The following GHR variants were observed in gnomAD, a reference collection of about 807,000 sequenced individuals.
GHR encodes the protein GH receptor.
GHR carries 35 observed loss-of-function variants against 67.1 expected under a neutral mutation model. That is an observed-to-expected ratio of 0.52 (90% CI 0.40 to 0.69). The LOEUF (loss-of-function observed/expected upper bound fraction) is 0.69. GHR is among the 30% of genes least tolerant of loss of function. The pLI, the probability that GHR is intolerant of heterozygous loss-of-function variation, is 0.00. For missense variants in GHR, 792 were observed against 764.6 expected, an observed-to-expected ratio of 1.04 and a Z score of -0.42; for synonymous variants, 272 against 269.1, an observed-to-expected ratio of 1.01 and a Z score of -0.10.
intron 2 of GHR, among the ~76,000 whole-genome samples, chr5:42,607,672 A>G (rs1752692140): frequency 3.3e-5 from 5 of 152,188 alleles, no homozygotes; most frequent in Admixed American, 2.0e-4. Flanking sequence ...GGAAGGCTGC[A>G]TGGAAGAGAA....
chr5:42,530,340 A>G (rs974077128), intron 1 of GHR, among the ~76,000 whole-genome samples: 1 of 152,198 alleles, frequency 6.6e-6, no homozygotes, highest in Non-Finnish European at 1.5e-5. Flanking sequence ...AAGTCTTATG[A>G]TGAATACTCA....
At chr5:42,651,187 A>G (rs1755002521) in intron 3 of GHR, among the ~76,000 whole-genome samples, 1 of 152,136 alleles carries the variant, frequency 6.6e-6, no homozygotes, top group African/African-American at 2.4e-5. Context: ...TGTTCCTCTA[A>G]GGTGTACTTG....
intron 2 of GHR, among the ~76,000 whole-genome samples, chr5:42,614,186 A>G (rs1753024824): frequency 6.6e-6 from 1 of 152,048 alleles, no homozygotes; most frequent in South Asian, 2.1e-4. Flanking sequence ...TTCCCATTGG[A>G]AGTCTATTTA....
intron 1 of GHR, among the ~76,000 whole-genome samples, chr5:42,481,222 C>G (rs1745618973): frequency 6.6e-6 from 1 of 152,174 alleles, no homozygotes; most frequent in South Asian, 2.1e-4. Flanking sequence ...GGCCCCCACT[C>G]TCTTCTGGCT....
rs1252046283 is a variant in GHR at position 42,615,734 on chromosome 5, C to CA, written c.71-13298dup. Among the ~76,000 whole-genome samples, 10 of 105,378 alleles carry CA rather than the reference C, an allele frequency of 9.5e-5. No individual in the cohort carries two copies. The East Asian group carries it at 1.8e-3, about 19-fold the overall frequency. 69.1% of individuals were successfully genotyped at this position (105,378 alleles called of 152,430 possible). Reference sequence around the variant, plus strand: ...ATAGCAGTAGAAATTTGGAAAAAAACAAAAAACAAAAAAAAAAAAACATAG... The same window carrying CA: ...ATAGCAGTAGAAATTTGGAAAAAAACAAAAAAACAAAAAAAAAAAAACATAG... On this transcript the variant is annotated intron_variant, in intron 2 of 9. Coordinates refer to ENST00000230882, the MANE Select transcript of GHR (RefSeq NM_000163.5).
intron 1 of GHR, among the ~76,000 whole-genome samples, chr5:42,489,269 T>C (rs930127002): frequency 6.6e-6 from 1 of 152,352 alleles, no homozygotes; most frequent in East Asian, 1.9e-4. Context: ...ATATTTCTTT[T>C]TTAAAAGTAA....
chr5:42,699,867 C>A lies in GHR; in HGVS notation c.483C>A (p.Asn161Lys), dbSNP rs576823676. Residue 161 changes from asparagine (N) to lysine (K), a missense_variant, in exon 6 of 10, where the codon AAC (asparagine) becomes AAA (lysine). Asn to Lys is a moderately conservative substitution (Grantham distance 94, BLOSUM62 0). Transcript: ENST00000230882. Reference protein sequence around the residue: ...PPIALNWTLLNVSLTGIHADI... With the variant: ...PPIALNWTLLKVSLTGIHADI... ...TTGCCCTCAACTGGACTTTACTGAA[C>A]GTCAGTTTAACTGGGATTCATGCAG... The A allele has an allele frequency of 1.2e-6, 2 of 1,610,436 alleles. No homozygotes were observed. Among genetic ancestry groups the A allele is most frequent in the South Asian group, 1.1e-5 (1 of 91,008 alleles).
rs536552341 is a variant in GHR, at chr5:42,484,312, A to G, written c.-12+60357A>G. ...AATTCATTAACTAAAAATATGATTC[A>G]TATTTACCTTATGTAGGACTACAGG... On this transcript the variant is annotated intron_variant, in intron 1 of 9. Coordinates refer to ENST00000230882, the MANE Select transcript of GHR (RefSeq NM_000163.5). 2.0e-5 allele frequency among the ~76,000 whole-genome samples: 3 copies of G among 152,322 alleles called. No homozygotes were observed. The East Asian group carries it at 5.8e-4, about 29-fold the overall frequency.
rs555740950 is a variant in GHR at position 42,568,616 on chromosome 5, C to T, written c.70+2672C>T. Among the ~76,000 whole-genome samples the T allele has an allele frequency of 6.6e-5, 10 of 152,280 alleles. No homozygotes were observed. In the East Asian group the frequency reaches 1.9e-3, roughly 29 times the overall value. On this transcript the variant is annotated intron_variant, in intron 2 of 9. Transcript: ENST00000230882. ...ATTAGGTCGTATATCTCTACTATTTCAATCAGTCTACCCTTGAATATACCC... is the reference window on the plus strand; with the variant it reads ...ATTAGGTCGTATATCTCTACTATTTTAATCAGTCTACCCTTGAATATACCC...
intron 3 of GHR, among the ~76,000 whole-genome samples, chr5:42,676,139 C>T (rs1021700831): frequency 6.6e-6 from 1 of 151,782 alleles, no homozygotes; most frequent in African/African-American, 2.4e-5. Flanking sequence ...ACAAAAATTA[C>T]CTGGGCATGG....
At chr5:42,578,142 G>A (rs776355885) in intron 2 of GHR, among the ~76,000 whole-genome samples, 3 of 151,872 alleles carry the variant, frequency 2.0e-5, no homozygotes, top group Admixed American at 6.6e-5. Context: ...TTGTGACCTC[G>A]TACCCACTAG....
chr5:42,539,181 G>A (rs1748391673), intron 1 of GHR, among the ~76,000 whole-genome samples: 2 of 151,988 alleles, frequency 1.3e-5, no homozygotes, highest in South Asian at 4.1e-4. Context: ...TTCTTTCTCA[G>A]GTAAATCAGA....
At chr5:42,506,081 C>T (rs927281367) in intron 1 of GHR, among the ~76,000 whole-genome samples, 6 of 152,128 alleles carry the variant, frequency 3.9e-5, no homozygotes, top group African/African-American at 1.2e-4. Context: ...TCTGGAGCCA[C>T]GAGCCGTGGT....
chr5:42,704,627 G>T (rs1260387788), intron 6 of GHR, among the ~76,000 whole-genome samples: 3 of 151,938 alleles, frequency 2.0e-5, no homozygotes, highest in Non-Finnish European at 1.5e-5. Context: ...AGAAGGATTG[G>T]TGTTCCGGTG....
chr5:42,541,790 C>T (rs901796248), intron 1 of GHR, among the ~76,000 whole-genome samples: 3 of 151,976 alleles, frequency 2.0e-5, no homozygotes, highest in South Asian at 2.1e-4. Context: ...TGGAGTGTTA[C>T]TTATGGGGTA....
At chr5:42,706,565 T>C (rs748068623) in intron 6 of GHR, among the ~76,000 whole-genome samples, 1 of 152,174 alleles carries the variant, frequency 6.6e-6, no homozygotes, top group Non-Finnish European at 1.5e-5. Flanking sequence ...TTGATAGTCG[T>C]ACATGTTGAA....
At chr5:42,668,019 C>T (rs754537478) in intron 3 of GHR, among the ~76,000 whole-genome samples, 27 of 152,148 alleles carry the variant, frequency 1.8e-4, no homozygotes, top group Non-Finnish European at 3.7e-4. Flanking sequence ...ATTTCCTCTA[C>T]TGGATTACGA....
At chr5:42,693,252 C>A (rs557450473) in intron 4 of GHR, among the ~76,000 whole-genome samples, 1 of 152,178 alleles carries the variant, frequency 6.6e-6, no homozygotes, top group East Asian at 1.9e-4. Flanking sequence ...ATTCTCCTGC[C>A]TCAGCCTACC....
At position 42,464,011 on chromosome 5, in the gene GHR, A is replaced by G. The variant is rs998377848; in HGVS notation, c.-12+40056A>G. ...CCGTCTCAAAAAAAAAAAAAAAAAA[A>G]AAAAAGAAAAAGAAATAATTTAGTG... On this transcript the variant is annotated intron_variant, in intron 1 of 9. Transcript: ENST00000230882. Among the ~76,000 whole-genome samples, 337 of 132,566 alleles carry G rather than the reference A, an allele frequency of 2.5e-3. 2 individuals are homozygous for G. Among genetic ancestry groups the G allele is most frequent in the African/African-American group, 9.2e-3 (300 of 32,506 alleles). The allele number at this position is 132,566 out of a possible 152,430, so 87.0% of individuals were successfully genotyped here. A position where few individuals can be genotyped will look rare whatever the true frequency, so the allele number is the denominator to read the frequency against.
Sources: gnomAD v4.1 joint callset for allele counts (sites outside exome capture counted in the v4.1 genomes callset) on GRCh38, gnomAD v4.1.1 for gene constraint, MANE v1.5 for transcripts, NCBI Gene and HGNC (gene_info 2026-07-23, HGNC 2026-07-21) for gene names.